Variants in ATAD3B observed in about 807,000 individuals in gnomAD.
The protein encoded by ATAD3B is ATPase family AAA domain-containing protein 3B.
ATAD3B carries 59 observed loss-of-function variants against 70.2 expected under a neutral mutation model. The observed-to-expected ratio is 0.84, with a 90% CI of 0.68 to 1.04. The LOEUF (loss-of-function observed/expected upper bound fraction) is 1.04, where lower values mean the gene tolerates loss of function less well. Among genes scored for constraint, ATAD3B ranks in the 50% least tolerant of loss-of-function variants. The probability of loss-of-function intolerance (pLI) is 0.00; values close to 1 mark genes in which losing one functional copy is unlikely to be tolerated. For synonymous variants in ATAD3B, 423 were observed against 388.6 expected (o/e 1.09, Z -1.04); for missense variants, 961 against 913.4 (o/e 1.05, Z -0.67).
chr1:1,488,903 TA>T (rs1458194176), intron 12 of ATAD3B, among the ~76,000 whole-genome samples: 11 of 151,928 alleles, frequency 7.2e-5, no homozygotes, highest in Non-Finnish European at 1.5e-4. Context: ...GGCTTGAGAT[TA>T]CAGGTGTGCC....
At chr1:1,480,348 C>T (rs1557798150) in intron 4 of ATAD3B, among the ~76,000 whole-genome samples, 2 of 146,366 alleles carry the variant, frequency 1.4e-5, no homozygotes, top group South Asian at 4.4e-4. Context: ...GTCTCCCACC[C>T]GGGCGCCCAG....
At chr1:1,503,603 T>G in the ATAD3B span, 1 of 1,612,320 alleles carries the variant, frequency 6.2e-7, no homozygotes, top group Non-Finnish European at 8.5e-7. Flanking sequence ...AAGGACGCCC[T>G]GAATGTGGCA....
At chr1:1,490,806 A>T (rs1640505164) in intron 15 of ATAD3B, 135 bp downstream of exon 15, 1 of 1,472,306 alleles carries the variant, frequency 6.8e-7, no homozygotes, top group South Asian at 1.4e-5. Context: ...CAGACGTGAC[A>T]CAGGGCCCCC....
chr1:1,487,954 G>T (rs1383594105), intron 12 of ATAD3B, 40 bp downstream of exon 12: 7 of 1,610,876 alleles, frequency 4.3e-6, no homozygotes, highest in Non-Finnish European at 5.9e-6. Context: ...CAGGAGGGTG[G>T]TCGGGTGGGC....
At chr1:1,495,340 C>G (rs1640727588) in intron 15 of ATAD3B, 145 bp from the exon 16 acceptor site, 1 of 1,171,102 alleles carries the variant, frequency 8.5e-7, no homozygotes, top group South Asian at 1.6e-5. Context: ...GTGCTGGGCT[C>G]TGCCAAGGTG....
chr1:1,498,573 C>T (rs199671348), downstream of ATAD3B, among the ~76,000 whole-genome samples: 21 of 151,892 alleles, frequency 1.4e-4, no homozygotes, highest in East Asian at 4.1e-3. Flanking sequence ...GGGTTTTTCT[C>T]CTCTCCTATT....
chr1:1,508,014 C>T, the ATAD3B span, among the ~76,000 whole-genome samples: 5 of 152,224 alleles, frequency 3.3e-5, no homozygotes, highest in South Asian at 2.1e-4. Flanking sequence ...TGCCAGGTCC[C>T]GTGCTTCCCA....
chr1:1,504,149 G>A, the ATAD3B span, among the ~76,000 whole-genome samples: 26 of 151,566 alleles, frequency 1.7e-4, 1 homozygote, highest in Admixed American at 1.1e-3. Context: ...CACCACACCC[G>A]GCTAATTTTT....
chr1:1,485,010 C>T lies in ATAD3B; in HGVS notation c.751-6C>T, dbSNP rs771215656. On this transcript the variant is annotated splice_region_variant and splice_polypyrimidine_tract_variant and intron_variant, in intron 7 of 15. Coordinates refer to ENST00000673477, the MANE Select transcript of ATAD3B (RefSeq NM_031921.6). The stretch of plus-strand genomic sequence containing the variant: ...CCGGTGCGCCAGTGCGGTGTCTCTG[C>T]TGCAGGTGGCTGGGCTGACGCTGCT... The T allele has an allele frequency of 8.7e-6, 14 of 1,600,398 alleles. No homozygotes were observed. The South Asian group carries it at 1.0e-4, about 12-fold the overall frequency.
chr1:1,485,718 C>T lies in ATAD3B; in HGVS notation c.907-64C>T, dbSNP rs1456307027. On this transcript the variant is annotated intron_variant, in intron 8 of 15. Transcript: ENST00000673477. Reference sequence around the variant, plus strand: ...CTGTGTGTTACCGAGCATGTGTGTGCGTTGGTGGCTGTTCCGTGGCTGTGG... The same window carrying T: ...CTGTGTGTTACCGAGCATGTGTGTGTGTTGGTGGCTGTTCCGTGGCTGTGG... 1.1e-5 allele frequency: 18 copies of T among 1,603,404 alleles called. No individual in the cohort carries two copies. In the Admixed American group the frequency reaches 1.5e-4, roughly 13 times the overall value.
rs1640838628 is a variant in ATAD3B at position 1,497,795 on chromosome 1, G to A, written c.*1978G>A. 6.7e-6 allele frequency: 1 copy of A among 150,246 alleles called. No homozygotes were observed. The highest frequency in any genetic ancestry group is 6.6e-5 in the Admixed American group (1 of 15,092). 9.3% of individuals were successfully genotyped at this position (150,246 alleles called of 1,614,324 possible). On this transcript the variant is annotated 3_prime_UTR_variant, in exon 16 of 16. Coordinates refer to ENST00000673477, the MANE Select transcript of ATAD3B (RefSeq NM_031921.6). ...GCAGGAGACTCGCTTGGACCTGGGA[G>A]GGAGAGGTTGCAGTGAGCCGAGATC...
chr1:1,489,671 T>C lies in ATAD3B; in HGVS notation c.1337+397T>C, dbSNP rs1640424854. The C allele has an allele frequency of 7.6e-6, 10 of 1,321,950 alleles. 1 individual carries two copies. The South Asian group carries it at 1.1e-4, about 15-fold the overall frequency. 81.9% of individuals were successfully genotyped at this position (1,321,950 alleles called of 1,614,324 possible). ...CAAATCCCTTAATTTTGAGTTTTCT[T>C]GGTCTCCTGGGCCCCTCCAGCCCCA... On this transcript the variant is annotated intron_variant, in intron 13 of 15. Coordinates refer to ENST00000673477, the MANE Select transcript of ATAD3B (RefSeq NM_031921.6).
Position 1,480,767 on chromosome 1 carries a change from T to G in ATAD3B, c.445-100T>G, listed in dbSNP as rs1347669000. On this transcript the variant is annotated intron_variant, in intron 4 of 15. Transcript: ENST00000673477. ...GCAGGTCCCCAGGTGCCCAGGACGC[T>G]TGGAGTTCTGTGGTCCTGGGGCGGA... The G allele has an allele frequency of 3.6e-5, 56 of 1,561,834 alleles. 4 individuals carry two copies. The highest frequency in any genetic ancestry group is 4.7e-5 in the Non-Finnish European group (54 of 1,155,262).
intron 12 of ATAD3B, 121 bp downstream of exon 12, chr1:1,488,035 A>T: frequency 7.3e-7 from 1 of 1,377,992 alleles, no homozygotes; most frequent in South Asian, 1.2e-5. Flanking sequence ...GCTCGCTGCA[A>T]CCTCTGCCTC....
downstream of ATAD3B, among the ~76,000 whole-genome samples, chr1:1,501,940 A>T (rs1440661746): frequency 6.6e-6 from 1 of 151,600 alleles, no homozygotes; most frequent in Non-Finnish European, 1.5e-5. Flanking sequence ...GTATAGTGTC[A>T]CTGTGTTGGC....
intron 15 of ATAD3B, among the ~76,000 whole-genome samples, chr1:1,492,950 A>G (rs796154668): frequency 6.6e-6 from 1 of 150,568 alleles, no homozygotes; most frequent in Non-Finnish European, 1.5e-5. Flanking sequence ...AAAAAAAAAA[A>G]AAAGAAAGAA....
rs561030141 is a variant in ATAD3B at position 1,475,642 on chromosome 1, CTG to C, written c.206-1629_206-1628del. 3.5e-3 allele frequency among the ~76,000 whole-genome samples: 534 copies of C among 151,786 alleles called. 6 individuals carry two copies. The highest frequency in any genetic ancestry group is 0.013 in the African/African-American group (518 of 41,288). On this transcript the variant is annotated intron_variant, in intron 1 of 15. Transcript: ENST00000673477. ...CAGCAGTACATTATCCCAGAACTGTCTGTGAGCACCAGCGCTCGCCCTGCACT... is the reference window on the plus strand; with the variant it reads ...CAGCAGTACATTATCCCAGAACTGTCTGAGCACCAGCGCTCGCCCTGCACT...
In ATAD3B at chr1:1,479,632, A is replaced by G. The variant is rs1153103; in HGVS notation, c.444+524A>G. Among the ~76,000 whole-genome samples the G allele has an allele frequency of 7.2e-3, 1,004 of 139,836 alleles. 94 individuals carry two copies. The highest frequency in any genetic ancestry group is 0.025 in the African/African-American group (919 of 36,444). The allele number at this position is 139,836 out of a possible 152,430, so 91.7% of individuals were successfully genotyped here. On this transcript the variant is annotated intron_variant, in intron 4 of 15. Coordinates refer to ENST00000673477, the MANE Select transcript of ATAD3B (RefSeq NM_031921.6). ...CACCCCCACACAGGGGCATGCTCAC[A>G]CAGCCCGCACACACACAGGTATGCA...
chr1:1,489,596 A>T, intron 13 of ATAD3B: 1 of 1,192,652 alleles, frequency 8.4e-7, no homozygotes, highest in Non-Finnish European at 1.2e-6. Context: ...TGCCGCCCAG[A>T]GGTCCCCAGT....
Sources: allele counts gnomAD v4.1 joint callset (sites outside exome capture counted in the v4.1 genomes callset), GRCh38; gene constraint gnomAD v4.1.1; transcripts MANE v1.5; gene names NCBI Gene and HGNC (gene_info 2026-07-23, HGNC 2026-07-21).